The following NBEA variants were observed in gnomAD, a reference collection of about 807,000 sequenced individuals.
NBEA encodes lysosomal-trafficking regulator 2.
In NBEA, 44 loss-of-function variants were observed where a neutral mutation model predicts 343.4. The observed-to-expected ratio is 0.13, with a 90% CI of 0.10 to 0.16. NBEA has a LOEUF of 0.16. NBEA is among the 10% of genes least tolerant of loss of function. NBEA has a pLI of 1.00. For synonymous variants in NBEA, 1,175 were observed against 1,238.7 expected, an observed-to-expected ratio of 0.95 and a Z score of 1.08; for missense variants, 2,555 against 3,631.3, an observed-to-expected ratio of 0.70 and a Z score of 7.62.
At chr13:35,380,401 C>T (rs1055767671) in intron 38 of NBEA, among the ~76,000 whole-genome samples, 3 of 152,080 alleles carry the variant, frequency 2.0e-5, no homozygotes, top group East Asian at 3.9e-4. Flanking sequence ...GCCAAGATCA[C>T]GCCACTGCAC....
intron 34 of NBEA, among the ~76,000 whole-genome samples, chr13:35,254,343 G>A (rs75463467): frequency 1.5e-5 from 1 of 67,812 alleles, no homozygotes; most frequent in African/African-American, 5.8e-5. Flanking sequence ...TTTTTTTTTT[G>A]AGACAGGGTC....
At chr13:35,469,433 A>C (rs905121859) in intron 40 of NBEA, among the ~76,000 whole-genome samples, 2 of 152,276 alleles carry the variant, frequency 1.3e-5, no homozygotes, top group East Asian at 1.9e-4. Flanking sequence ...TAATACCCCT[A>C]TACTTCTTTC....
intron 39 of NBEA, among the ~76,000 whole-genome samples, chr13:35,441,800 A>G (rs2045750600): frequency 6.6e-6 from 1 of 151,634 alleles, no homozygotes; most frequent in Non-Finnish European, 1.5e-5. Context: ...GAAAAAGGTT[A>G]AAACTCTAGT....
rs2059053826 is a variant in NBEA at position 34,942,377 on chromosome 13, A to G, written c.-444A>G. ...CGTAGCAGCGGCGGCAGCAGCGTCA[A>G]TAGCATCGGCCACAGCCTGAGCTTC... On this transcript the variant is annotated 5_prime_UTR_variant, in exon 1 of 59. Coordinates refer to ENST00000379939, the MANE Select transcript of NBEA (RefSeq NM_001385012.1). The G allele has an allele frequency of 6.5e-6, 1 of 153,616 alleles. No homozygotes were observed. 9.5% of individuals were successfully genotyped at this position (153,616 alleles called of 1,614,324 possible).
intron 41 of NBEA, chr13:35,474,990 G>T: frequency 6.7e-7 from 1 of 1,496,454 alleles, no homozygotes; most frequent in South Asian, 1.3e-5. Flanking sequence ...ATTAGGAATT[G>T]AACAGAAGTT....
At chr13:35,239,855 A>G (rs2029912104) in intron 34 of NBEA, among the ~76,000 whole-genome samples, 1 of 151,938 alleles carries the variant, frequency 6.6e-6, no homozygotes, top group Non-Finnish European at 1.5e-5. Flanking sequence ...AAGTGATGTC[A>G]AGGCTGGGGC....
chr13:35,162,242 A>G (rs1394387908), intron 23 of NBEA, among the ~76,000 whole-genome samples: 3 of 152,292 alleles, frequency 2.0e-5, no homozygotes, highest in East Asian at 3.9e-4. Flanking sequence ...CTTAGACAAC[A>G]AATCTACATA....
intron 41 of NBEA, among the ~76,000 whole-genome samples, chr13:35,499,813 A>G (rs1363079475): frequency 6.6e-6 from 1 of 152,130 alleles, no homozygotes; most frequent in African/African-American, 2.4e-5. Context: ...ATCCTCAGCC[A>G]TGCAGCTGAC....
chr13:35,129,911 TA>T (rs1202869354), intron 17 of NBEA, among the ~76,000 whole-genome samples: 1 of 152,078 alleles, frequency 6.6e-6, no homozygotes, highest in East Asian at 1.9e-4. Context: ...GAAAACAATA[TA>T]GTACATATTT....
Position 35,112,278 on chromosome 13 carries a change from G to A in NBEA, c.2002+1300G>A, listed in dbSNP as rs186860808. On this transcript the variant is annotated intron_variant, in intron 13 of 58. Coordinates refer to ENST00000379939, the MANE Select transcript of NBEA (RefSeq NM_001385012.1). ...CAGATCTGTTGTTTTGTCCTTTTAT[G>A]GCTTCTTCCATTGCTTTTAAGTTAG... Among the ~76,000 whole-genome samples the A allele has an allele frequency of 2.6e-3, 394 of 151,632 alleles. 1 individual carries two copies. Among genetic ancestry groups the A allele is most frequent in the African/African-American group, 9.1e-3 (378 of 41,344 alleles).
intron 1 of NBEA, among the ~76,000 whole-genome samples, chr13:34,945,339 G>A (rs1022334554): frequency 1.3e-5 from 2 of 152,044 alleles, no homozygotes; most frequent in Admixed American, 6.6e-5. Context: ...CATTTGAAGT[G>A]TAATTTTCTT....
chr13:35,213,658 A>G (rs2073909747), intron 33 of NBEA, among the ~76,000 whole-genome samples: 1 of 144,180 alleles, frequency 6.9e-6, no homozygotes, highest in African/African-American at 2.5e-5. Flanking sequence ...TGGAAGTCTT[A>G]GATGTTTCTA....
chr13:35,399,211 C>G (rs184332789), intron 38 of NBEA, among the ~76,000 whole-genome samples: 3 of 152,216 alleles, frequency 2.0e-5, no homozygotes, highest in Admixed American at 6.6e-5. Context: ...CTGTTGTGAT[C>G]TATCGAGGCC....
chr13:35,593,346 T>C lies in NBEA; in HGVS notation c.7195T>C (p.Phe2399Leu), dbSNP rs1330426859. ...LVRIEPFTTF[F>L]LNANDGKFDH... ...TGCTTAGGAACCTTTCACAACCTTCTTCCTCAATGCAAATGATGGAAAATT... is the reference window on the plus strand; with the variant it reads ...TGCTTAGGAACCTTTCACAACCTTCCTCCTCAATGCAAATGATGGAAAATT... The change falls in exon 47 of 59, where the codon TTC becomes CTC. Residue 2399 changes from phenylalanine (F) to leucine (L), a missense_variant. Physicochemically the swap from Phe to Leu is conservative, Grantham distance 22. Coordinates refer to ENST00000379939, the MANE Select transcript of NBEA (RefSeq NM_001385012.1). 8 of 1,612,638 alleles carry C rather than the reference T, an allele frequency of 5.0e-6. No individual in the cohort carries two copies. Among genetic ancestry groups the C allele is most frequent in the Non-Finnish European group, 6.8e-6 (8 of 1,178,970 alleles).
intron 1 of NBEA, among the ~76,000 whole-genome samples, chr13:34,956,828 C>G (rs956344161): frequency 2.0e-5 from 3 of 152,074 alleles, no homozygotes; most frequent in African/African-American, 7.2e-5. Context: ...TTCATCTTCC[C>G]AAACTGAAAT....
intron 38 of NBEA, among the ~76,000 whole-genome samples, chr13:35,407,472 T>C (rs542912251): frequency 4.5e-4 from 64 of 142,010 alleles, no homozygotes; most frequent in South Asian, 2.3e-3. Context: ...GAATCAAATA[T>C]AAAGACATCT....
At chr13:35,082,249 A>T (rs1220715873) in intron 10 of NBEA, among the ~76,000 whole-genome samples, 1 of 152,062 alleles carries the variant, frequency 6.6e-6, no homozygotes, top group Non-Finnish European at 1.5e-5. Context: ...ACATGAACTC[A>T]TTATTTTTTA....
intron 1 of NBEA, among the ~76,000 whole-genome samples, chr13:34,996,985 G>C (rs1239653115): frequency 6.6e-6 from 1 of 152,022 alleles, no homozygotes; most frequent in Non-Finnish European, 1.5e-5. Context: ...AAGATCACTG[G>C]ATTAGTCAGG....
At chr13:34,966,595 A>G (rs951792328) in intron 1 of NBEA, among the ~76,000 whole-genome samples, 8 of 147,184 alleles carry the variant, frequency 5.4e-5, no homozygotes, top group African/African-American at 2.0e-4. Flanking sequence ...GTGACCTTCA[A>G]CTATGTTACA....
Sources: gnomAD v4.1 joint callset for allele counts (sites outside exome capture counted in the v4.1 genomes callset) on GRCh38, gnomAD v4.1.1 for gene constraint, MANE v1.5 for transcripts, NCBI Gene and HGNC (gene_info 2026-07-23, HGNC 2026-07-21) for gene names.